The following MASP2 variants were observed in gnomAD, a reference collection of about 807,000 sequenced individuals.
MASP2 encodes MBL associated serine protease 2, also known as mannan-binding lectin serine protease 2.
In MASP2, 49 loss-of-function variants were observed where a neutral mutation model predicts 57.1. That is an observed-to-expected ratio of 0.86 (90% CI 0.68 to 1.09). MASP2 has a LOEUF of 1.09. MASP2 is among the 50% of genes least tolerant of loss of function. MASP2 has a pLI of 0.00. For missense variants in MASP2, 900 were observed against 874.8 expected, an observed-to-expected ratio of 1.03 and a Z score of -0.36; for synonymous variants, 379 against 340.8, an observed-to-expected ratio of 1.11 and a Z score of -1.24.
chr1:11,031,228 T>C (rs185372630), intron 8 of MASP2, among the ~76,000 whole-genome samples: 21 of 150,406 alleles, frequency 1.4e-4, no homozygotes, highest in African/African-American at 4.9e-4. Context: ...ATGTCAAATA[T>C]AAGAAAGATC....
At chr1:11,028,696 G>A (rs1643781359) in intron 10 of MASP2, among the ~76,000 whole-genome samples, 1 of 104,634 alleles carries the variant, frequency 9.6e-6, no homozygotes, top group Admixed American at 1.2e-4. Context: ...TATCTTTCTG[G>A]GTTTTTTTTC....
At chr1:11,030,068 G>T (rs1643816493) in intron 10 of MASP2, 108 bp downstream of exon 10, 11 of 736,604 alleles carry the variant, frequency 1.5e-5, no homozygotes, top group Non-Finnish European at 2.3e-5. Flanking sequence ...TAAGAGCCAA[G>T]TGCTGAAGTT....
chr1:11,038,907 G>A (rs1017798891), intron 6 of MASP2, among the ~76,000 whole-genome samples: 1 of 151,968 alleles, frequency 6.6e-6, no homozygotes, highest in Non-Finnish European at 1.5e-5. Context: ...TGTGGCTCTG[G>A]TGCAACACTC....
chr1:11,043,947 A>G (rs1423328916), intron 4 of MASP2, among the ~76,000 whole-genome samples: 1 of 151,936 alleles, frequency 6.6e-6, no homozygotes, highest in African/African-American at 2.4e-5. Flanking sequence ...CACAGGAAGG[A>G]GGAAGAAGGG....
At position 11,046,919 on chromosome 1, in the gene MASP2, G is replaced by A. The variant is rs568966313; in HGVS notation, c.206C>T (p.Ser69Phe). 1 of 1,572,360 alleles carries A rather than the reference G, an allele frequency of 6.4e-7. No individual in the cohort carries two copies. Residue 69 changes from serine to phenylalanine, a missense_variant, in exon 2 of 11, where the codon TCC becomes TTC. Coordinates refer to ENST00000400897, the MANE Select transcript of MASP2 (RefSeq NM_006610.4). ...LYFTHFDLELSHLCEYDFVKL... is the reference protein window; with the variant it reads ...LYFTHFDLELFHLCEYDFVKL... ...GACGAAGTCGTACTCGCAGAGGTGG[G>A]AGAGCTCCAGGTCGAAGTGGGTGAA...
At position 11,042,864 on chromosome 1, in the gene MASP2, C is replaced by T. The variant is rs1638502676; in HGVS notation, c.889+11G>A. Reference sequence around the variant, plus strand: ...GCGCTTCCAGCCAAGATCTGAGACCCACTTGCTCACCTGTGCTCGTGTAGT... The same window carrying T: ...GCGCTTCCAGCCAAGATCTGAGACCTACTTGCTCACCTGTGCTCGTGTAGT... On this transcript the variant is annotated intron_variant, in intron 6 of 10. Transcript: ENST00000400897. 1 of 1,613,268 alleles carries T rather than the reference C, an allele frequency of 6.2e-7. No homozygotes were observed. The highest frequency in any genetic ancestry group is 1.3e-5 in the African/African-American group (1 of 75,036).
intron 6 of MASP2, among the ~76,000 whole-genome samples, chr1:11,039,587 G>A (rs997690807): frequency 1.3e-5 from 2 of 151,030 alleles, no homozygotes; most frequent in Non-Finnish European, 3.0e-5. Context: ...TGGCTGGAAG[G>A]ATGGATGGAT....
intron 10 of MASP2, among the ~76,000 whole-genome samples, chr1:11,028,739 A>T (rs1445112715): frequency 4.3e-5 from 6 of 139,006 alleles, no homozygotes; most frequent in Non-Finnish European, 9.0e-5. Context: ...TTTGAGACAG[A>T]GTCTCGCTCT....
chr1:11,046,369 C>T, intron 3 of MASP2, 187 bp downstream of exon 3: 1 of 664,058 alleles, frequency 1.5e-6, no homozygotes, highest in South Asian at 1.8e-5. Flanking sequence ...AGAGTTGGCA[C>T]TCAGCCCATG....
intron 6 of MASP2, among the ~76,000 whole-genome samples, chr1:11,038,210 T>C (rs1322533123): frequency 1.3e-5 from 2 of 152,150 alleles, no homozygotes; most frequent in Non-Finnish European, 2.9e-5. Context: ...ATCCTAGCTC[T>C]CCATTTCCCC....
At position 11,037,825 on chromosome 1, in the gene MASP2, A is replaced by G. The variant is rs775719304; in HGVS notation, c.890-14T>C. The G allele has an allele frequency of 1.3e-6, 2 of 1,546,646 alleles. No homozygotes were observed. The highest frequency in any genetic ancestry group is 1.9e-5 in the Admixed American group (1 of 53,956). ...GGCAAGGCTGCGCTGCGCAGAGGAA[A>G]CCAGGCTTGTTGGTTTTCATGTGGT... On this transcript the variant is annotated splice_polypyrimidine_tract_variant and intron_variant, in intron 6 of 10. Coordinates refer to ENST00000400897, the MANE Select transcript of MASP2 (RefSeq NM_006610.4).
At chr1:11,037,080 T>C (rs921860731) in intron 7 of MASP2, among the ~76,000 whole-genome samples, 2 of 151,950 alleles carry the variant, frequency 1.3e-5, no homozygotes, top group Non-Finnish European at 2.9e-5. Flanking sequence ...TGAGACAGAG[T>C]CTTGCTCTGT....
intron 9 of MASP2, chr1:11,030,533 GTGTT>G (rs1302295451): frequency 2.0e-4 from 116 of 582,408 alleles, no homozygotes; most frequent in South Asian, 1.9e-3. Flanking sequence ...AATACATTGT[GTGTT>G]TGTAGTAGTC....
In MASP2 at chr1:11,047,229, T is replaced by C. The variant is rs375447753; in HGVS notation, c.-22A>G. On this transcript the variant is annotated 5_prime_UTR_variant, in exon 1 of 11. Transcript: ENST00000400897. Reference sequence around the variant, plus strand: ...TCATGGTGTGCCCGTCCAGCTGGCCTGGCCTGGTCTGCAGCCCTACGCTGG... The same window carrying C: ...TCATGGTGTGCCCGTCCAGCTGGCCCGGCCTGGTCTGCAGCCCTACGCTGG... 6.6e-5 allele frequency: 102 copies of C among 1,555,164 alleles called. No individual in the cohort carries two copies. Among genetic ancestry groups the C allele is most frequent in the Non-Finnish European group, 8.6e-5 (99 of 1,153,410 alleles).
At chr1:11,027,723 T>G (rs1643763863) in intron 10 of MASP2, 75 bp from the exon 11 acceptor site, 6 of 1,480,014 alleles carry the variant, frequency 4.1e-6, no homozygotes, top group Middle Eastern at 1.8e-4. Flanking sequence ...ATGACCGCCT[T>G]GAAGTATATA....
At chr1:11,039,881 T>TGGAG in intron 6 of MASP2, among the ~76,000 whole-genome samples, 1 of 90,824 alleles carries the variant, frequency 1.1e-5, no homozygotes, top group East Asian at 3.3e-4. Flanking sequence ...GATGGATGGA[T>TGGAG]GGATGGATGG....
At chr1:11,039,717 T>G (rs370783960) in intron 6 of MASP2, among the ~76,000 whole-genome samples, 16 of 150,530 alleles carry the variant, frequency 1.1e-4, no homozygotes, top group Admixed American at 9.2e-4. Context: ...GGTGGGTGGA[T>G]AGATGGATAG....
chr1:11,028,608 A>G (rs1359477058), intron 10 of MASP2, among the ~76,000 whole-genome samples: 1 of 151,994 alleles, frequency 6.6e-6, no homozygotes, highest in East Asian at 1.9e-4. Flanking sequence ...ATTAATACCT[A>G]CAGACGTTGT....
intron 6 of MASP2, among the ~76,000 whole-genome samples, chr1:11,039,214 T>G (rs1468781730): frequency 6.6e-6 from 1 of 152,226 alleles, no homozygotes; most frequent in Non-Finnish European, 1.5e-5. Context: ...GCTCTGGTTA[T>G]GTTTCTGTGA....
Sources: gnomAD v4.1 joint callset for allele counts (sites outside exome capture counted in the v4.1 genomes callset) on GRCh38, gnomAD v4.1.1 for gene constraint, MANE v1.5 for transcripts, NCBI Gene and HGNC (gene_info 2026-07-23, HGNC 2026-07-21) for gene names.